ITGA8: variants seen among roughly 807,000 people sequenced by gnomAD.
ITGA8 encodes integrin subunit alpha 8.
ITGA8 carries 91 observed loss-of-function variants against 142.3 expected under a neutral mutation model. That is an observed-to-expected ratio of 0.64 (90% CI 0.54 to 0.76). ITGA8 has a LOEUF of 0.76. Among genes scored for constraint, ITGA8 ranks in the 30% least tolerant of loss-of-function variants. The probability of loss-of-function intolerance (pLI) is 0.00; values close to 1 mark genes in which losing one functional copy is unlikely to be tolerated. For synonymous variants in ITGA8, 505 were observed against 485.2 expected (o/e 1.04, Z -0.54); for missense variants, 1,406 against 1,327.7 (o/e 1.06, Z -0.92).
intron 21 of ITGA8, among the ~76,000 whole-genome samples, chr10:15,593,839 A>ATT (rs35907545): frequency 2.5e-3 from 346 of 137,300 alleles, no homozygotes; most frequent in African/African-American, 7.1e-3. Flanking sequence ...CCCAGCAAAG[A>ATT]TTTTTTTTTT....
At chr10:15,524,093 C>T (rs893873251) in intron 28 of ITGA8, among the ~76,000 whole-genome samples, 3 of 152,196 alleles carry the variant, frequency 2.0e-5, no homozygotes, top group Admixed American at 2.0e-4. Context: ...GACTCTCCTC[C>T]CATGCCTGCT....
chr10:15,664,517 C>T (rs1273441755), intron 8 of ITGA8, among the ~76,000 whole-genome samples: 1 of 88,694 alleles, frequency 1.1e-5, no homozygotes, highest in Admixed American at 1.0e-4. Context: ...TTTTTTTCCA[C>T]ATTTTATTAT....
At chr10:15,596,258 G>C (rs1172055664) in intron 21 of ITGA8, among the ~76,000 whole-genome samples, 2 of 152,148 alleles carry the variant, frequency 1.3e-5, no homozygotes, top group Non-Finnish European at 2.9e-5. Flanking sequence ...TTGCAGACGG[G>C]ATAGAACATG....
At chr10:15,718,623 T>C in intron 2 of ITGA8, 143 bp downstream of exon 2, 3 of 1,029,306 alleles carry the variant, frequency 2.9e-6, no homozygotes, top group Non-Finnish European at 4.3e-6. Context: ...AACTGATTTC[T>C]CTAGAGACCC....
At chr10:15,678,628 G>C (rs1834677154) in intron 5 of ITGA8, 94 bp downstream of exon 5, 1 of 750,728 alleles carries the variant, frequency 1.3e-6, no homozygotes, top group African/African-American at 1.8e-5. Flanking sequence ...TGGTTCTTTG[G>C]TGGTGGTGGT....
chr10:15,526,094 G>A (rs1263564247), intron 28 of ITGA8, among the ~76,000 whole-genome samples: 3 of 152,080 alleles, frequency 2.0e-5, no homozygotes, highest in Admixed American at 6.5e-5. Context: ...TAGCTACCAT[G>A]TTGGACTGCA....
At chr10:15,619,394 C>G (rs1477753950) in intron 13 of ITGA8, among the ~76,000 whole-genome samples, 1 of 152,144 alleles carries the variant, frequency 6.6e-6, no homozygotes, top group African/African-American at 2.4e-5. Context: ...AGACTTGGAA[C>G]TTGACTCCAG....
chr10:15,579,859 A>T (rs1236193666), intron 23 of ITGA8, among the ~76,000 whole-genome samples: 2 of 152,042 alleles, frequency 1.3e-5, no homozygotes, highest in East Asian at 3.9e-4. Flanking sequence ...CAACTTATAA[A>T]CATTTCGGTA....
At chr10:15,664,132 A>G (rs1011494640) in intron 8 of ITGA8, among the ~76,000 whole-genome samples, 2 of 152,232 alleles carry the variant, frequency 1.3e-5, no homozygotes, top group Non-Finnish European at 2.9e-5. Context: ...CAATACTATT[A>G]GCTCATCATC....
At chr10:15,670,179 T>C (rs11253602) in intron 8 of ITGA8, among the ~76,000 whole-genome samples, 75,438 of 152,062 alleles carry the variant, frequency 0.5, 19,608 homozygotes, top group South Asian at 0.68. Context: ...CTTGCATTAG[T>C]GAAATGCAGT....
In ITGA8 at chr10:15,652,247, C is replaced by T. The variant is rs192007681; in HGVS notation, c.1001+3107G>A. On this transcript the variant is annotated intron_variant, in intron 11 of 29. Transcript: ENST00000378076. ...CAAAACTTTGCTATAGACTAGAATG[C>T]GCATGTTTCCAAGAAGGACGGTGCC... Among the ~76,000 whole-genome samples, 277 of 152,250 alleles carry T rather than the reference C, an allele frequency of 1.8e-3. 1 individual carries two copies. Among genetic ancestry groups the T allele is most frequent in the African/African-American group, 6.4e-3 (264 of 41,550 alleles).
Position 15,699,042 on chromosome 10 carries a change from T to C in ITGA8, c.344-11004A>G, listed in dbSNP as rs553643649. Among the ~76,000 whole-genome samples the C allele has an allele frequency of 1.4e-4, 22 of 152,260 alleles. No individual in the cohort carries two copies. In the East Asian group the frequency reaches 3.7e-3, roughly 25 times the overall value. On this transcript the variant is annotated intron_variant, in intron 2 of 29. Coordinates refer to ENST00000378076, the MANE Select transcript of ITGA8 (RefSeq NM_003638.3). ...GGCTCATGCCTGTAATCCCAGCATA[T>C]TGGGAGTCCAGGAGGCAGATCACCT...
Position 15,716,531 on chromosome 10 carries a change from TA to T in ITGA8, c.343+2234del, listed in dbSNP as rs539044074. 3.9e-3 allele frequency among the ~76,000 whole-genome samples: 597 copies of T among 152,328 alleles called. 5 individuals are homozygous for T. Among genetic ancestry groups the T allele is most frequent in the African/African-American group, 0.014 (567 of 41,574 alleles). On this transcript the variant is annotated intron_variant, in intron 2 of 29. Coordinates refer to ENST00000378076, the MANE Select transcript of ITGA8 (RefSeq NM_003638.3). ...TGTTTTACTGCAAATATAATTCAGC[TA>T]CAATAAGGGTTAAATGCATTCCTGT...
intron 26 of ITGA8, among the ~76,000 whole-genome samples, chr10:15,552,784 G>A (rs374166155): frequency 8.9e-4 from 135 of 152,286 alleles, no homozygotes; most frequent in African/African-American, 3.2e-3. Context: ...AACATGCAGT[G>A]TTTGGTTTTC....
intron 29 of ITGA8, among the ~76,000 whole-genome samples, chr10:15,517,913 A>C (rs1458875304): frequency 3.9e-5 from 6 of 152,212 alleles, no homozygotes; most frequent in South Asian, 4.1e-4. Context: ...CTAACTATTG[A>C]CTAGGAAAAG....
chr10:15,716,727 A>G (rs1835460268), intron 2 of ITGA8, among the ~76,000 whole-genome samples: 1 of 148,920 alleles, frequency 6.7e-6, no homozygotes, highest in Non-Finnish European at 1.5e-5. Context: ...CTGGAGTGCA[A>G]TGGTGCAATC....
chr10:15,534,366 T>G (rs2131545141), intron 27 of ITGA8, among the ~76,000 whole-genome samples: 1 of 152,366 alleles, frequency 6.6e-6, no homozygotes, highest in Non-Finnish European at 1.5e-5. Flanking sequence ...AATTTTTCTC[T>G]ATTACTTTTC....
At chr10:15,518,111 C>T in intron 29 of ITGA8, among the ~76,000 whole-genome samples, 1 of 152,170 alleles carries the variant, frequency 6.6e-6, no homozygotes, top group Non-Finnish European at 1.5e-5. Flanking sequence ...CAAAGGTTAG[C>T]CAGAAACTCA....
At chr10:15,530,084 C>T (rs566332392) in intron 28 of ITGA8, among the ~76,000 whole-genome samples, 1 of 152,306 alleles carries the variant, frequency 6.6e-6, no homozygotes, top group East Asian at 1.9e-4. Flanking sequence ...AAGTCTCTGA[C>T]CACCTTCACA....
Sources: allele counts gnomAD v4.1 joint callset (sites outside exome capture counted in the v4.1 genomes callset), GRCh38; gene constraint gnomAD v4.1.1; transcripts MANE v1.5; gene names NCBI Gene and HGNC (gene_info 2026-07-23, HGNC 2026-07-21).